The following TGFBRAP1 variants were observed in gnomAD, a reference collection of about 807,000 sequenced individuals.
The protein encoded by TGFBRAP1 is transforming growth factor beta receptor associated protein 1.
A neutral mutation model predicts 83.2 loss-of-function variants in TGFBRAP1; 20 were observed. That is an observed-to-expected ratio of 0.24 (90% CI 0.17 to 0.35). The LOEUF is 0.35. Among genes scored for constraint, TGFBRAP1 ranks in the 10% least tolerant of loss-of-function variants. The pLI is 1.00. For missense variants in TGFBRAP1, 950 were observed against 1,099.4 expected (o/e 0.86, Z 1.92); for synonymous variants, 415 against 459.8 (o/e 0.90, Z 1.25).
At chr2:105,283,741 G>C (rs923506304) in intron 5 of TGFBRAP1, among the ~76,000 whole-genome samples, 1 of 152,204 alleles carries the variant, frequency 6.6e-6, no homozygotes, top group Admixed American at 6.5e-5. Context: ...GGGGAAAGGG[G>C]AGAACACAAT....
intron 4 of TGFBRAP1, among the ~76,000 whole-genome samples, chr2:105,287,043 G>A (rs1441686645): frequency 1.3e-5 from 2 of 152,190 alleles, no homozygotes; most frequent in Non-Finnish European, 2.9e-5. Flanking sequence ...TTCCAACACA[G>A]GCTGCAACAC....
chr2:105,256,998 C>A, the TGFBRAP1 span, among the ~76,000 whole-genome samples: 1 of 152,230 alleles, frequency 6.6e-6, no homozygotes, highest in African/African-American at 2.4e-5. Flanking sequence ...CCTATATGGT[C>A]TAAAAACGGG....
chr2:105,307,593 G>A (rs766452729), intron 2 of TGFBRAP1, 21 bp downstream of exon 2: 38 of 1,581,216 alleles, frequency 2.4e-5, no homozygotes, highest in Middle Eastern at 4.1e-4. Context: ...AAGATCAGGC[G>A]CACAAATGCA....
At chr2:105,303,651 A>G (rs1678381501) in intron 2 of TGFBRAP1, among the ~76,000 whole-genome samples, 3 of 152,222 alleles carry the variant, frequency 2.0e-5, no homozygotes. Context: ...AACTGAATTG[A>G]TCTGGGCAGT....
chr2:105,313,582 G>A (rs561423507), intron 1 of TGFBRAP1, among the ~76,000 whole-genome samples: 3 of 152,248 alleles, frequency 2.0e-5, no homozygotes, highest in South Asian at 2.1e-4. Flanking sequence ...TATGAAAGTA[G>A]TAGAAAGTAA....
chr2:105,307,984 G>T lies in TGFBRAP1; in HGVS notation c.318C>A (p.Asn106Lys), dbSNP rs1264930514. 6.2e-7 allele frequency: 1 copy of T among 1,614,236 alleles called. No homozygotes were observed. Among genetic ancestry groups the T allele is most frequent in the South Asian group, 1.1e-5 (1 of 91,090 alleles). Residue 106 changes from asparagine (N) to lysine (K), a missense_variant, in exon 2 of 12, where the codon AAC becomes AAA. Transcript: ENST00000393359. Reference protein sequence around the residue: ...DNSISLVNMLNLEPVPSGARI... With the variant: ...DNSISLVNMLKLEPVPSGARI... ...GGGCCCCCGAAGGCACTGGCTCGAG[G>T]TTCAGCATGTTGACCAGGCTGATGG...
At chr2:105,306,139 C>T (rs979685890) in intron 2 of TGFBRAP1, among the ~76,000 whole-genome samples, 9 of 150,798 alleles carry the variant, frequency 6.0e-5, no homozygotes, top group Non-Finnish European at 8.9e-5. Flanking sequence ...CTCAGCTCAC[C>T]GCAACTGCTG....
At chr2:105,254,068 T>C in the TGFBRAP1 span, among the ~76,000 whole-genome samples, 1 of 152,158 alleles carries the variant, frequency 6.6e-6, no homozygotes, top group Non-Finnish European at 1.5e-5. Context: ...GTTTTTTTTT[T>C]TTCTATTTTT....
chr2:105,294,307 G>GGTGTGTGTGTGTGTGT (rs3060066), intron 4 of TGFBRAP1, among the ~76,000 whole-genome samples: 22 of 147,990 alleles, frequency 1.5e-4, no homozygotes, highest in African/African-American at 5.3e-4. Flanking sequence ...TAGGAGTGAG[G>GGTGTGTGTGTGTGTGT]GTGTGTGTGT....
chr2:105,294,480 CA>C (rs1359725793), intron 4 of TGFBRAP1, among the ~76,000 whole-genome samples: 1 of 152,030 alleles, frequency 6.6e-6, no homozygotes, highest in Non-Finnish European at 1.5e-5. Flanking sequence ...CATATAGTTG[CA>C]TGGATGATGG....
intron 1 of TGFBRAP1, among the ~76,000 whole-genome samples, chr2:105,321,517 T>C (rs1219772868): frequency 6.6e-6 from 1 of 152,156 alleles, no homozygotes; most frequent in Non-Finnish European, 1.5e-5. Flanking sequence ...TATAGAACTT[T>C]TATAGAAAAA....
chr2:105,308,968 C>T (rs570289634), intron 1 of TGFBRAP1, among the ~76,000 whole-genome samples: 4 of 152,150 alleles, frequency 2.6e-5, no homozygotes, highest in Admixed American at 2.6e-4. Flanking sequence ...GCCTCAGCTC[C>T]GGAGTAAATG....
chr2:105,327,587 C>A (rs576382432), intron 1 of TGFBRAP1, among the ~76,000 whole-genome samples: 54 of 152,114 alleles, frequency 3.5e-4, no homozygotes, highest in African/African-American at 1.0e-3. Flanking sequence ...AGCAAAAAAA[C>A]CACCCAGAAG....
At chr2:105,305,652 TTTATTAA>T (rs1446252967) in intron 2 of TGFBRAP1, among the ~76,000 whole-genome samples, 2 of 152,182 alleles carry the variant, frequency 1.3e-5, no homozygotes, top group Non-Finnish European at 2.9e-5. Context: ...CCTTTTTATT[TTTATTAA>T]TTAATTAATT....
intron 1 of TGFBRAP1, among the ~76,000 whole-genome samples, chr2:105,318,111 G>C (rs921980398): frequency 6.6e-6 from 1 of 152,110 alleles, no homozygotes; most frequent in African/African-American, 2.4e-5. Context: ...TCTACTCCTA[G>C]GCATCTGCCT....
At chr2:105,276,214 A>C (rs1677338158) in intron 7 of TGFBRAP1, among the ~76,000 whole-genome samples, 1 of 152,218 alleles carries the variant, frequency 6.6e-6, no homozygotes, top group Admixed American at 6.5e-5. Context: ...TGCCTTTTGC[A>C]CAGGGGGCTC....
At position 105,284,484 on chromosome 2, in the gene TGFBRAP1, C is replaced by T. The variant is rs533235309; in HGVS notation, c.1039-86G>A. ...ATTTGTCTAACCCTAGATAAGTGTT[C>T]GTTATAACATAGAAATGTAAAATTA... On this transcript the variant is annotated intron_variant, in intron 4 of 11. Transcript: ENST00000393359. 334 of 1,184,446 alleles carry T rather than the reference C, an allele frequency of 2.8e-4. No homozygotes were observed. The African/African-American group carries it at 4.0e-3, about 14-fold the overall frequency. The allele number at this position is 1,184,446 out of a possible 1,614,324, so 73.4% of individuals were successfully genotyped here.
chr2:105,263,366 T>A (rs1372723539), downstream of TGFBRAP1, among the ~76,000 whole-genome samples: 1 of 152,254 alleles, frequency 6.6e-6, no homozygotes, highest in Non-Finnish European at 1.5e-5. Context: ...CTGGGCTGTG[T>A]TCTGGTTATC....
intron 11 of TGFBRAP1, chr2:105,267,887 G>A: frequency 2.0e-6 from 2 of 985,368 alleles, no homozygotes; most frequent in Non-Finnish European, 2.4e-6. Context: ...AGAAAGTCAT[G>A]AATGTTAATG....
Sources: gnomAD v4.1 joint callset for allele counts (sites outside exome capture counted in the v4.1 genomes callset) on GRCh38, gnomAD v4.1.1 for gene constraint, MANE v1.5 for transcripts, NCBI Gene and HGNC (gene_info 2026-07-23, HGNC 2026-07-21) for gene names.